POLE: variants seen among roughly 807,000 people sequenced by gnomAD.
The protein encoded by POLE is DNA polymerase epsilon catalytic subunit A.
POLE carries 188 observed loss-of-function variants against 279.2 expected under a neutral mutation model. The observed-to-expected ratio is 0.67, with a 90% confidence interval of 0.60 to 0.76. The LOEUF (loss-of-function observed/expected upper bound fraction) is 0.76. POLE is among the 30% of genes least tolerant of loss of function. The pLI is 0.00. For synonymous variants in POLE, 1,214 were observed against 1,172.5 expected, an observed-to-expected ratio of 1.04 and a Z score of -0.72; for missense variants, 2,703 against 3,016.7, an observed-to-expected ratio of 0.90 and a Z score of 2.44.
At position 132,632,286 on chromosome 12, in the gene POLE, TCTC is replaced by T. The variant is rs761633523; in HGVS notation, c.6330+26_6330+28del. The T allele has an allele frequency of 5.7e-6, 9 of 1,576,922 alleles. No individual in the cohort carries two copies. The East Asian group carries it at 6.7e-5, about 12-fold the overall frequency. On this transcript the variant is annotated intron_variant, in intron 45 of 48. Transcript: ENST00000320574. The stretch of plus-strand genomic sequence containing the variant: ...GCCTTACACATGTACGTTAGTGTCC[TCTC>T]CTCACACGCACGCTGGCACTCTCAC...
rs2043030773 is a variant in POLE at position 132,675,653 on chromosome 12, G to C, written c.1106+82C>G. On this transcript the variant is annotated intron_variant, in intron 11 of 48. Coordinates refer to ENST00000320574, the MANE Select transcript of POLE (RefSeq NM_006231.4). This position sits in a 1 kb window ranked among gnomAD's most constrained non-coding sequence, Gnocchi z 4.3. ...GAACCCAGGAGCCACCTCCTAAGTC[G>C]ACATGGGAAGCGCCCCTGCACCACG... The C allele has an allele frequency of 6.4e-7, 1 of 1,561,478 alleles. No homozygotes were observed. The highest frequency in any genetic ancestry group is 8.8e-7 in the Non-Finnish European group (1 of 1,134,950).
chr12:132,632,437 T>C lies in POLE; in HGVS notation c.6208A>G (p.Ile2070Val), dbSNP rs763607284. The C allele has an allele frequency of 1.6e-5, 26 of 1,614,056 alleles. No individual in the cohort carries two copies. Among genetic ancestry groups the C allele is most frequent in the Non-Finnish European group, 2.2e-5 (26 of 1,179,908 alleles). Residue 2070 changes from isoleucine to valine, a missense_variant, in exon 45 of 49, where the codon ATT becomes GTT. This residue lies in a region of POLE where 1,551 missense variants were observed against 1,686.1 expected (regional missense o/e 0.92). Coordinates refer to ENST00000320574, the MANE Select transcript of POLE (RefSeq NM_006231.4). ...TQSFFTITQK[I>V]QKKVTGSRNS... ...CGAGAGCCTGTGACTTTCTTCTGAATCTTCTGAGTGATGGTGAAGAAGCTC... is the reference window on the plus strand; with the variant it reads ...CGAGAGCCTGTGACTTTCTTCTGAACCTTCTGAGTGATGGTGAAGAAGCTC...
rs373272795 is a variant in POLE, at chr12:132,641,747, C to T, written c.5278G>A (p.Val1760Met). ...GADSMGISFD[V>M]IQQASLEDMI... ...TCCTCCAGGGAGGCCTGCTGGATCA[C>T]GTCGAAGCTGATCCCCATGCTGTCG... Residue 1760 changes from valine to methionine, a missense_variant, in exon 39 of 49, where the codon GTG (valine) becomes ATG (methionine). Around this residue, in one of 5 missense-constraint regions of POLE, gnomAD observed 1,551 missense variants for 1,686.1 expected, o/e 0.92. Coordinates refer to ENST00000320574, the MANE Select transcript of POLE (RefSeq NM_006231.4). 6.1e-5 allele frequency: 98 copies of T among 1,612,036 alleles called. No individual in the cohort carries two copies. Among genetic ancestry groups the T allele is most frequent in the East Asian group, 5.1e-4 (23 of 44,874 alleles).
chr12:132,680,596 C>A lies in POLE; in HGVS notation c.285+11G>T. 1 of 1,609,868 alleles carries A rather than the reference C, an allele frequency of 6.2e-7. No individual in the cohort carries two copies. Among genetic ancestry groups the A allele is most frequent in the South Asian group, 1.1e-5 (1 of 90,972 alleles). On this transcript the variant is annotated intron_variant, in intron 3 of 48. Transcript: ENST00000320574. Reference sequence around the variant, plus strand: ...AAAGTGGGTTTTAGCTTGTCGCAGTCAGGGGCTTACCTTAAATCTGCTTCC... The same window carrying A: ...AAAGTGGGTTTTAGCTTGTCGCAGTAAGGGGCTTACCTTAAATCTGCTTCC...
At chr12:132,638,968 G>A (rs1593721233) in intron 40 of POLE, 157 bp downstream of exon 40, 3 of 664,396 alleles carry the variant, frequency 4.5e-6, no homozygotes, top group South Asian at 1.9e-5. Context: ...CAGCAGCTGC[G>A]TGTTTCTCTG....
chr12:132,681,628 A>T (rs990327978), intron 1 of POLE, among the ~76,000 whole-genome samples: 1 of 152,244 alleles, frequency 6.6e-6, no homozygotes, highest in South Asian at 2.1e-4. Context: ...CCTAGTGTTA[A>T]GTGTTTCGGA....
At chr12:132,680,487 G>T (rs866027347) in intron 3 of POLE, 120 bp downstream of exon 3, 1 of 798,860 alleles carries the variant, frequency 1.3e-6, no homozygotes, top group Non-Finnish European at 2.1e-6. Flanking sequence ...CCAGGGGCCC[G>T]AGTTCTGCTG....
chr12:132,663,515 C>T (rs989110233), intron 23 of POLE, among the ~76,000 whole-genome samples: 8 of 152,178 alleles, frequency 5.3e-5, no homozygotes, highest in African/African-American at 1.2e-4. Context: ...AGGGGGAGGT[C>T]GTGACACGAG....
chr12:132,646,693 G>C (rs183072719), intron 32 of POLE, among the ~76,000 whole-genome samples: 3 of 151,886 alleles, frequency 2.0e-5, no homozygotes, highest in African/African-American at 7.3e-5. Context: ...TTAGCCGGGC[G>C]TGGTGGTGCG....
intron 45 of POLE, among the ~76,000 whole-genome samples, chr12:132,630,105 C>T (rs1231673878): frequency 6.6e-6 from 1 of 152,044 alleles, no homozygotes; most frequent in Non-Finnish European, 1.5e-5. Flanking sequence ...TCATGGCGCC[C>T]CAAAACAATT....
intron 47 of POLE, chr12:132,625,224 C>A: frequency 1.4e-6 from 1 of 719,278 alleles, no homozygotes; most frequent in Non-Finnish European, 2.5e-6. Flanking sequence ...GATGCCCAGT[C>A]CTGAGGCCTC....
chr12:132,669,316 T>C (rs552844087), intron 16 of POLE, among the ~76,000 whole-genome samples: 2 of 151,936 alleles, frequency 1.3e-5, no homozygotes, highest in East Asian at 3.9e-4. Context: ...AAATAAAAAA[T>C]TAGCCGTGTG....
At chr12:132,648,125 G>A (rs1057138538) in intron 32 of POLE, among the ~76,000 whole-genome samples, 2 of 152,138 alleles carry the variant, frequency 1.3e-5, no homozygotes, top group African/African-American at 4.8e-5. Context: ...GAGCCTCAGC[G>A]CACTCATGGC....
intron 20 of POLE, among the ~76,000 whole-genome samples, chr12:132,666,530 CA>C (rs2042800674): frequency 1.3e-5 from 2 of 152,220 alleles, no homozygotes; most frequent in Admixed American, 6.5e-5. Flanking sequence ...TGCAGTGAGC[CA>C]AGGTCACACC....
At chr12:132,626,007 G>A in intron 46 of POLE, 110 bp downstream of exon 46, 1 of 1,180,786 alleles carries the variant, frequency 8.5e-7, no homozygotes, top group South Asian at 1.4e-5. Context: ...GTGAGTCAGA[G>A]GGGCAGCAGG....
In POLE at chr12:132,643,349, C is replaced by T. The variant is rs1396516668; in HGVS notation, c.4445-19G>A. ...ATACTCCCTGGAGAAGGAAACAAGA[C>T]CGTCACCCCAGATGTGTGGGAGGCA... On this transcript the variant is annotated intron_variant, in intron 34 of 48. Transcript: ENST00000320574. 5 of 1,614,024 alleles carry T rather than the reference C, an allele frequency of 3.1e-6. No individual in the cohort carries two copies. The East Asian group carries it at 6.7e-5, about 22-fold the overall frequency.
chr12:132,664,485 T>C lies in POLE; in HGVS notation c.2469-23A>G. 2 of 1,590,624 alleles carry C rather than the reference T, an allele frequency of 1.3e-6. No individual in the cohort carries two copies. Among genetic ancestry groups the C allele is most frequent in the Non-Finnish European group, 1.7e-6 (2 of 1,159,470 alleles). ...GCCCTGAGAGGACACCACAAACTGG[T>C]GGGTGGGGCTGGCATGGCTCCTCCA... On this transcript the variant is annotated intron_variant, in intron 21 of 48. Coordinates refer to ENST00000320574, the MANE Select transcript of POLE (RefSeq NM_006231.4). The surrounding 1 kb of genome is among the most constrained non-coding windows in gnomAD (Gnocchi z 5.3).
rs2042361443 is a variant in POLE at position 132,649,306 on chromosome 12, C to A, written c.4005G>T (p.Gln1335His). ...SILDLPWQIV[Q>H]ISETSQAGLF... ...CCTCCCCTTGGATCAAGGTCTATAC[C>A]TGCACAATCTGCCACGGAAGGTCCA... is the stretch of plus-strand genomic sequence containing the variant. The change falls in exon 31 of 49, where the codon CAG becomes CAT. Residue 1335 changes from glutamine (Q) to histidine (H), a missense_variant and splice_region_variant. Transcript: ENST00000320574. 8 of 1,613,518 alleles carry A rather than the reference C, an allele frequency of 5.0e-6. No individual in the cohort carries two copies. Among genetic ancestry groups the A allele is most frequent in the Non-Finnish European group, 6.8e-6 (8 of 1,179,934 alleles).
chr12:132,676,339 C>T lies in POLE; in HGVS notation c.910-135G>A, dbSNP rs2043050620. ...CACAGCAATGTGAAAGTGCTTTAAG[C>T]TTCCTGAGAAGAGACGCTCTGTGTG... is the stretch of plus-strand genomic sequence containing the variant. On this transcript the variant is annotated intron_variant, in intron 9 of 48. Coordinates refer to ENST00000320574, the MANE Select transcript of POLE (RefSeq NM_006231.4). The T allele has an allele frequency of 6.7e-6, 5 of 740,986 alleles. No homozygotes were observed. The East Asian group carries it at 1.3e-4, about 19-fold the overall frequency. 45.9% of individuals were successfully genotyped at this position (740,986 alleles called of 1,614,324 possible).
Sources: allele counts gnomAD v4.1 joint callset (sites outside exome capture counted in the v4.1 genomes callset), GRCh38; gene constraint gnomAD v4.1.1; regional missense constraint gnomAD v4.1.1; non-coding constraint Gnocchi (gnomAD v3.1); transcripts MANE v1.5; gene names NCBI Gene and HGNC (gene_info 2026-07-23, HGNC 2026-07-21).